The following APC variants were observed in gnomAD, a reference collection of about 807,000 sequenced individuals.
The protein encoded by APC is APC regulator of Wnt signaling pathway, also known as adenomatous polyposis coli protein.
In APC, 72 loss-of-function variants were observed where a neutral mutation model predicts 247.0. The ratio of observed to expected loss-of-function variants is 0.29; its 90% CI spans 0.24 to 0.35. The LOEUF is 0.35. Ranked by LOEUF, APC falls within the 10% of genes least tolerant of loss-of-function variation. The pLI is 1.00. For missense variants in APC, 3,400 were observed against 3,360.7 expected, an observed-to-expected ratio of 1.01 and a Z score of -0.29; for synonymous variants, 1,254 against 1,162.5, an observed-to-expected ratio of 1.08 and a Z score of -1.60.
chr5:112,840,598 G>A lies in APC; in HGVS notation c.5004G>A (p.Glu1668=), dbSNP rs1361638377. ...SDLTIESPPN[E]LAAGEGVRGG... ...TAACAATCGAATCCCCTCCAAATGAGTTAGCTGCTGGAGAAGGAGTTAGAG... is the reference window on the plus strand; with the variant it reads ...TAACAATCGAATCCCCTCCAAATGAATTAGCTGCTGGAGAAGGAGTTAGAG... Residue 1668 remains glutamate, a synonymous_variant, in exon 16 of 16, where the codon GAG becomes GAA. Transcript: ENST00000257430. The surrounding 1 kb of genome is among the most constrained non-coding windows in gnomAD (Gnocchi z 4.1). 1.2e-6 allele frequency: 2 copies of A among 1,613,974 alleles called. No individual in the cohort carries two copies. The highest frequency in any genetic ancestry group is 3.3e-5 in the Admixed American group (2 of 59,990).
rs1460028540 is a variant in APC, at chr5:112,707,599, G to C, written c.-119G>C. 2.7e-6 allele frequency: 3 copies of C among 1,128,986 alleles called. No homozygotes were observed. Among genetic ancestry groups the C allele is most frequent in the Non-Finnish European group, 3.6e-6 (3 of 832,554 alleles). The allele number at this position is 1,128,986 out of a possible 1,614,324, so 69.9% of individuals were successfully genotyped here. The stretch of plus-strand genomic sequence containing the variant: ...TAGCCGCTGCTCGGGGGGGACCTGC[G>C]GGCTCAGGCCCGGGAGCTGCGGACC... On this transcript the variant is annotated 5_prime_UTR_variant, in exon 1 of 14. Transcript: ENST00000507379.
upstream of APC, among the ~76,000 whole-genome samples, chr5:112,737,224 GTTCCCGTTTTATACAGCAGGAAATTGA>G (rs1752449933): frequency 2.6e-5 from 4 of 152,142 alleles, no homozygotes; most frequent in Non-Finnish European, 5.9e-5. Flanking sequence ...CTGTACTTCT[GTTCCCGTTTTATACAGCAGGAAATTGA>G]AACACTGAGA....
chr5:112,786,324 AAC>A (rs1401550496), intron 6 of APC, among the ~76,000 whole-genome samples: 1 of 152,184 alleles, frequency 6.6e-6, no homozygotes, highest in African/African-American at 2.4e-5. Context: ...TGACCAGTAA[AAC>A]ACAGATGACT....
chr5:112,806,473 G>A (rs532180869), intron 8 of APC, among the ~76,000 whole-genome samples: 2 of 152,260 alleles, frequency 1.3e-5, no homozygotes, highest in Admixed American at 1.3e-4. Context: ...GAAAAGCTTA[G>A]GAGTAAATTA....
At chr5:112,829,273 G>A in intron 14 of APC, 1 of 323,104 alleles carries the variant, frequency 3.1e-6, no homozygotes, top group Non-Finnish European at 5.9e-6. Flanking sequence ...TGAGTAGCTG[G>A]GATTACAGTG....
intron 13 of APC, 92 bp downstream of exon 13, chr5:112,828,098 C>A: frequency 1.9e-6 from 2 of 1,033,754 alleles, no homozygotes; most frequent in Non-Finnish European, 1.5e-6. Flanking sequence ...GGCAGTTGTG[C>A]AATCTCAGCT....
At position 112,843,904 on chromosome 5, in the gene APC, C is replaced by G. The variant is rs200160084; in HGVS notation, c.8310C>G (p.His2770Gln). The G allele has an allele frequency of 4.3e-6, 7 of 1,613,876 alleles. No individual in the cohort carries two copies. In the Admixed American group the frequency reaches 6.7e-5, roughly 15 times the overall value. ...TCAGTTCTAGCAGCTCAAGCAAACA[C>G]AGTTCACCTAGTGGGACTGTTGCTG... The part of the protein sequence containing the change: ...TPFSSSSSSK[H>Q]SSPSGTVAAR... The change falls in exon 16 of 16, where the codon CAC becomes CAG. Residue 2770 changes from histidine to glutamine, a missense_variant. This residue lies in a region of APC where 1,788 missense variants were observed against 1,649.5 expected (regional missense o/e 1.08). Transcript: ENST00000257430. This position sits in a 1 kb window ranked among gnomAD's most constrained non-coding sequence, Gnocchi z 4.8.
rs1554071578 is a variant in APC, at chr5:112,775,689, A to G, written c.483A>G (p.Gln161=). The G allele has an allele frequency of 6.2e-7, 1 of 1,607,964 alleles. No homozygotes were observed. Among genetic ancestry groups the G allele is most frequent in the Non-Finnish European group, 8.5e-7 (1 of 1,177,266 alleles). ...AGGAAAAAGACTGGTATTACGCTCAACTTCAGAATCTCACTAAAAGAATAG... is the reference window on the plus strand; with the variant it reads ...AGGAAAAAGACTGGTATTACGCTCAGCTTCAGAATCTCACTAAAAGAATAG... ...EEKEKDWYYA[Q]LQNLTKRIDS... The change falls in exon 5 of 16, where the codon CAA becomes CAG. Residue 161 remains glutamine (Q), a synonymous_variant. Coordinates refer to ENST00000257430, the MANE Select transcript of APC (RefSeq NM_000038.6).
At chr5:112,739,084 G>C (rs1051953324) in intron 1 of APC, among the ~76,000 whole-genome samples, 4 of 151,880 alleles carry the variant, frequency 2.6e-5, no homozygotes, top group African/African-American at 4.8e-5. Flanking sequence ...ATTTCTCTTT[G>C]GTTGCTTTTA....
At chr5:112,760,673 T>C (rs1195184727) in intron 2 of APC, among the ~76,000 whole-genome samples, 5 of 152,216 alleles carry the variant, frequency 3.3e-5, no homozygotes, top group Non-Finnish European at 7.3e-5. Flanking sequence ...ATTTTGATAC[T>C]GTATAGGGTA....
upstream of APC, among the ~76,000 whole-genome samples, chr5:112,734,736 G>A (rs1324066753): frequency 6.6e-6 from 1 of 151,132 alleles, no homozygotes; most frequent in East Asian, 1.9e-4. Flanking sequence ...CTTAAATTAG[G>A]CCAAAAGTGC....
At position 112,766,400 on chromosome 5, in the gene APC, G is replaced by A. The variant is rs761957941; in HGVS notation, c.210G>A (p.Glu70=). Residue 70 remains glutamate (E), a synonymous_variant, in exon 3 of 16, where the codon GAG becomes GAA. Transcript: ENST00000257430. ...CTTCTGGACAGATTGATTTATTAGA[G>A]CGTCTTAAAGGTAGATTTTAAAAAG... is the stretch of plus-strand genomic sequence containing the variant. The part of the protein sequence containing the change: ...MASSGQIDLL[E]RLKELNLDSS... 5 of 1,608,666 alleles carry A rather than the reference G, an allele frequency of 3.1e-6. No homozygotes were observed. The highest frequency in any genetic ancestry group is 4.3e-6 in the Non-Finnish European group (5 of 1,175,302).
intron 10 of APC, 89 bp downstream of exon 10, chr5:112,819,433 C>T: frequency 1.3e-6 from 2 of 1,516,134 alleles, no homozygotes; most frequent in East Asian, 4.5e-5. Context: ...AATATGCTGT[C>T]TTTATGACTA....
At chr5:112,738,876 T>G (rs1221506724) in intron 1 of APC, among the ~76,000 whole-genome samples, 1 of 152,252 alleles carries the variant, frequency 6.6e-6, no homozygotes, top group Non-Finnish European at 1.5e-5. Context: ...ATTCTTTGAT[T>G]TAACATAAAT....
rs1018434615 is a variant in APC, at chr5:112,839,050, G to C, written c.3456G>C (p.Gln1152His). ...GTGAACGTTACTCTGAAGAAGAACAGCATGAAGAAGAAGAGAGACCAACAA... is the reference window on the plus strand; with the variant it reads ...GTGAACGTTACTCTGAAGAAGAACACCATGAAGAAGAAGAGAGACCAACAA... The part of the protein sequence containing the change: ...NYSERYSEEE[Q>H]HEEEERPTNY... Residue 1152 changes from glutamine (Q) to histidine (H), a missense_variant, in exon 16 of 16, where the codon CAG becomes CAC. By Grantham distance (24) the Gln-to-His change is conservative. This residue lies in a region of APC where 715 missense variants were observed against 656.6 expected (regional missense o/e 1.09). Coordinates refer to ENST00000257430, the MANE Select transcript of APC (RefSeq NM_000038.6). The surrounding 1 kb of genome is among the most constrained non-coding windows in gnomAD (Gnocchi z 5.0). 1.2e-6 allele frequency: 2 copies of C among 1,614,042 alleles called. No homozygotes were observed. Among genetic ancestry groups the C allele is most frequent in the Non-Finnish European group, 1.7e-6 (2 of 1,180,016 alleles).
intron 1 of APC, among the ~76,000 whole-genome samples, chr5:112,720,262 A>G (rs1027057420): frequency 2.0e-5 from 3 of 152,238 alleles, no homozygotes; most frequent in African/African-American, 7.2e-5. Context: ...GCTCTGTTGT[A>G]TGAAAACCTA....
At chr5:112,801,447 A>G (rs1760818548) in intron 8 of APC, 64 bp downstream of exon 8, 1 of 1,221,348 alleles carries the variant, frequency 8.2e-7, no homozygotes, top group Non-Finnish European at 1.2e-6. Context: ...ATGAAGCAAG[A>G]TGGTTCTAAG....
chr5:112,840,957 G>A lies in APC; in HGVS notation c.5363G>A (p.Arg1788His), dbSNP rs201472075. The A allele has an allele frequency of 3.6e-5, 58 of 1,613,150 alleles. No homozygotes were observed. The Middle Eastern group carries it at 4.9e-4, about 14-fold the overall frequency. ...PIPQNTEYRT[R>H]VRKNADSKNN... ...CCACAAAATACTGAATATAGGACAC[G>A]TGTAAGAAAAAATGCAGACTCAAAA... Residue 1788 changes from arginine to histidine, a missense_variant, in exon 16 of 16, where the codon CGT becomes CAT. Arg to His is a conservative substitution (Grantham distance 29). Around this residue, in one of 9 missense-constraint regions of APC, gnomAD observed 1,788 missense variants for 1,649.5 expected, o/e 1.08. Transcript: ENST00000257430. This position sits in a 1 kb window ranked among gnomAD's most constrained non-coding sequence, Gnocchi z 4.1.
intron 2 of APC, among the ~76,000 whole-genome samples, chr5:112,757,576 A>G (rs923911995): frequency 2.0e-5 from 3 of 152,150 alleles, no homozygotes; most frequent in Non-Finnish European, 4.4e-5. Context: ...CTGCAAAAAA[A>G]TACAAAAATT....
Sources: gnomAD v4.1 joint callset for allele counts (sites outside exome capture counted in the v4.1 genomes callset) on GRCh38, gnomAD v4.1.1 for gene constraint, gnomAD v4.1.1 regional missense constraint, Gnocchi (gnomAD v3.1) non-coding constraint, MANE v1.5 for transcripts, NCBI Gene and HGNC (gene_info 2026-07-23, HGNC 2026-07-21) for gene names.